The following DIP2B variants were observed in gnomAD, a reference collection of about 807,000 sequenced individuals.
The protein encoded by DIP2B is DIP2 acetate--CoA ligase B (putative), also known as disco-interacting protein 2 homolog B.
DIP2B carries 76 observed loss-of-function variants against 198.0 expected under a neutral mutation model. The observed-to-expected ratio is 0.38, with a 90% CI of 0.32 to 0.46. The LOEUF (loss-of-function observed/expected upper bound fraction) is 0.46. Ranked by LOEUF, DIP2B falls within the 20% of genes least tolerant of loss-of-function variation. The pLI is 0.99. For synonymous variants in DIP2B, 701 were observed against 739.1 expected (o/e 0.95, Z 0.84); for missense variants, 1,559 against 1,978.4 (o/e 0.79, Z 4.02).
At chr12:50,706,448 A>G in intron 20 of DIP2B, 90 bp from the exon 21 acceptor site, 1 of 1,472,366 alleles carries the variant, frequency 6.8e-7, no homozygotes, top group Non-Finnish European at 9.3e-7. Flanking sequence ...ATACTTTTTA[A>G]ATGAGATTTA....
At chr12:50,668,656 TAAATGATACAATA>T (rs889139873) in intron 4 of DIP2B, among the ~76,000 whole-genome samples, 18 of 152,324 alleles carry the variant, frequency 1.2e-4, no homozygotes, top group African/African-American at 3.8e-4. Context: ...AAAATACATA[TAAATGATACAATA>T]AAATGATACA....
chr12:50,649,805 G>A (rs980258177), intron 3 of DIP2B, among the ~76,000 whole-genome samples: 3 of 151,854 alleles, frequency 2.0e-5, no homozygotes, highest in African/African-American at 4.8e-5. Context: ...GCTGTGAGCC[G>A]AGATTGTGCC....
At chr12:50,652,707 T>C (rs1295362723) in intron 3 of DIP2B, among the ~76,000 whole-genome samples, 1 of 152,200 alleles carries the variant, frequency 6.6e-6, no homozygotes, top group Non-Finnish European at 1.5e-5. Context: ...TAAAATGCTT[T>C]GGACAGTAAC....
In DIP2B at chr12:50,575,391, GTTTTT is replaced by G. The variant is rs55820615; in HGVS notation, c.101-50580_101-50576del. ...GGCTTGTTTTTTTTTGTTTTGTTTT[GTTTTT>G]TTTTGAGACAGGGTCTCGCTCTGTC... On this transcript the variant is annotated intron_variant, in intron 1 of 37. Transcript: ENST00000301180. Among the ~76,000 whole-genome samples the G allele has an allele frequency of 8.0e-5, 12 of 150,380 alleles. No homozygotes were observed. In the South Asian group the frequency reaches 1.5e-3, roughly 18 times the overall value.
At position 50,561,638 on chromosome 12, in the gene DIP2B, C is replaced by T. The variant is rs115874401; in HGVS notation, c.100+56398C>T. The stretch of plus-strand genomic sequence containing the variant: ...TATTATTGATTGATTGAGACAGAGT[C>T]GCTTTGTTGCCTAGGCTGGAATGCA... On this transcript the variant is annotated intron_variant, in intron 1 of 37. Transcript: ENST00000301180. 1.7e-3 allele frequency among the ~76,000 whole-genome samples: 262 copies of T among 152,268 alleles called. 1 individual carries two copies. Among genetic ancestry groups the T allele is most frequent in the Middle Eastern group, 0.01 (3 of 294 alleles).
intron 4 of DIP2B, among the ~76,000 whole-genome samples, chr12:50,667,470 G>C (rs917130323): frequency 1.3e-5 from 2 of 151,946 alleles, no homozygotes; most frequent in African/African-American, 4.8e-5. Context: ...CAATTTCCTG[G>C]GTGACAAATT....
At chr12:50,540,612 G>A (rs1252833483) in intron 1 of DIP2B, among the ~76,000 whole-genome samples, 16 of 147,998 alleles carry the variant, frequency 1.1e-4, no homozygotes, top group Non-Finnish European at 8.9e-5. Context: ...GCAGTGGTGC[G>A]ATCTCGGCTC....
chr12:50,732,587 T>C, intron 32 of DIP2B, 51 bp downstream of exon 32: 1 of 1,602,166 alleles, frequency 6.2e-7, no homozygotes, highest in South Asian at 1.1e-5. Context: ...GAATATGGAG[T>C]ATCCCAGAGC....
chr12:50,535,562 C>T (rs1395683259), intron 1 of DIP2B, among the ~76,000 whole-genome samples: 3 of 151,496 alleles, frequency 2.0e-5, no homozygotes, highest in Non-Finnish European at 4.4e-5. Context: ...GTAGAGATGG[C>T]GTTTCACCAT....
intron 3 of DIP2B, among the ~76,000 whole-genome samples, chr12:50,659,157 T>G (rs1011633096): frequency 2.0e-4 from 31 of 152,142 alleles, no homozygotes; most frequent in African/African-American, 5.6e-4. Context: ...AATCAACATT[T>G]GAAAAACCCC....
intron 1 of DIP2B, among the ~76,000 whole-genome samples, chr12:50,583,040 G>C (rs1958739372): frequency 6.6e-6 from 1 of 152,086 alleles, no homozygotes; most frequent in Non-Finnish European, 1.5e-5. Flanking sequence ...TTGATTGAAG[G>C]AAATGTTTAC....
chr12:50,744,753 T>A lies in DIP2B; in HGVS notation c.4645T>A (p.Ser1549Thr). ...GGACCCAGGTGTCATCCCGATCAAC[T>A]CCAGAGGAGAGAAGCAGAGGATGCA... The part of the protein sequence containing the change: ...VVDPGVIPIN[S>T]RGEKQRMHLR... Residue 1549 changes from serine to threonine, a missense_variant, in exon 38 of 38, where the codon TCC becomes ACC. Physicochemically the swap from Ser to Thr is moderately conservative, Grantham distance 58. Coordinates refer to ENST00000301180, the MANE Select transcript of DIP2B (RefSeq NM_173602.3). The A allele has an allele frequency of 1.2e-6, 2 of 1,614,124 alleles. No homozygotes were observed. Among genetic ancestry groups the A allele is most frequent in the Non-Finnish European group, 1.7e-6 (2 of 1,180,032 alleles).
intron 16 of DIP2B, among the ~76,000 whole-genome samples, chr12:50,696,637 C>T (rs1939316986): frequency 6.6e-6 from 1 of 152,170 alleles, no homozygotes; most frequent in Non-Finnish European, 1.5e-5. Context: ...TCACATTGAT[C>T]ATCATAGTTT....
chr12:50,741,954 A>G (rs1940251615), intron 37 of DIP2B, among the ~76,000 whole-genome samples: 1 of 152,210 alleles, frequency 6.6e-6, no homozygotes, highest in Non-Finnish European at 1.5e-5. Flanking sequence ...TCAAATGAGA[A>G]TGTGCTTTGT....
rs1592121944 is a variant in DIP2B at position 50,674,776 on chromosome 12, C to T, written c.796+147C>T. 5.3e-6 allele frequency: 5 copies of T among 937,436 alleles called. No homozygotes were observed. In the East Asian group the frequency reaches 1.1e-4, roughly 20 times the overall value. The allele number at this position is 937,436 out of a possible 1,614,324, so 58.1% of individuals were successfully genotyped here. On this transcript the variant is annotated intron_variant, in intron 6 of 37. Transcript: ENST00000301180. ...TAACTAATCCTGGGTACCTTTTTTC[C>T]ATCATCTGCACAGTGACAGTATTGC...
At chr12:50,704,927 A>C (rs183719084) in intron 20 of DIP2B, among the ~76,000 whole-genome samples, 1 of 152,156 alleles carries the variant, frequency 6.6e-6, no homozygotes, top group Non-Finnish European at 1.5e-5. Flanking sequence ...CAGCCTGGGC[A>C]ACAGAGCGAG....
intron 1 of DIP2B, among the ~76,000 whole-genome samples, chr12:50,578,633 G>A (rs1017427419): frequency 2.5e-4 from 37 of 148,970 alleles, no homozygotes; most frequent in African/African-American, 8.4e-4. Context: ...TCAGCCTCCC[G>A]AGTAGCTGGG....
chr12:50,536,406 T>C (rs996376539), intron 1 of DIP2B, among the ~76,000 whole-genome samples: 14 of 152,270 alleles, frequency 9.2e-5, no homozygotes, highest in African/African-American at 3.4e-4. Context: ...CAGTGAGCTA[T>C]GATCATGCCA....
intron 3 of DIP2B, among the ~76,000 whole-genome samples, chr12:50,646,514 T>C (rs1349153947): frequency 1.3e-5 from 2 of 152,162 alleles, no homozygotes; most frequent in Non-Finnish European, 1.5e-5. Flanking sequence ...CTCCGCCTCC[T>C]GGGTTAAAGT....
Sources: gnomAD v4.1 joint callset for allele counts (sites outside exome capture counted in the v4.1 genomes callset) on GRCh38, gnomAD v4.1.1 for gene constraint, MANE v1.5 for transcripts, NCBI Gene and HGNC (gene_info 2026-07-23, HGNC 2026-07-21) for gene names.